The following ADAMTS3 variants were observed in gnomAD, a reference collection of about 807,000 sequenced individuals.
ADAMTS3 encodes the protein ADAM metallopeptidase with thrombospondin type 1 motif 3, also known as A disintegrin and metalloproteinase with thrombospondin motifs 3.
ADAMTS3 carries 73 observed loss-of-function variants against 129.0 expected under a neutral mutation model. That is an observed-to-expected ratio of 0.57 (90% CI 0.47 to 0.69). The LOEUF is 0.69. Among genes scored for constraint, ADAMTS3 ranks in the 30% least tolerant of loss-of-function variants. ADAMTS3 has a pLI of 0.00. For synonymous variants in ADAMTS3, 477 were observed against 510.8 expected (o/e 0.93, Z 0.89); for missense variants, 1,457 against 1,514.5 (o/e 0.96, Z 0.63).
Position 72,354,067 on chromosome 4 carries a change from C to T in ADAMTS3, c.662-14374G>A, listed in dbSNP as rs145674726. Among the ~76,000 whole-genome samples, 690 of 152,090 alleles carry T rather than the reference C, an allele frequency of 4.5e-3. 23 individuals are homozygous for T. The East Asian group carries it at 0.056, about 12-fold the overall frequency. On this transcript the variant is annotated intron_variant, in intron 4 of 21. Coordinates refer to ENST00000286657, the MANE Select transcript of ADAMTS3 (RefSeq NM_014243.3). Reference sequence around the variant, plus strand: ...CCAAAGGCATTGGATGTGGATAAGACGGGATAAGAGTTCACTTATTCACTG... The same window carrying T: ...CCAAAGGCATTGGATGTGGATAAGATGGGATAAGAGTTCACTTATTCACTG...
intron 3 of ADAMTS3, among the ~76,000 whole-genome samples, chr4:72,436,971 G>A (rs1010027598): frequency 9.2e-5 from 14 of 151,850 alleles, no homozygotes; most frequent in Middle Eastern, 3.4e-3. Context: ...AAACCTGCAC[G>A]TTGTGCACAT....
At chr4:72,491,513 A>G (rs1719743657) in intron 3 of ADAMTS3, among the ~76,000 whole-genome samples, 1 of 151,798 alleles carries the variant, frequency 6.6e-6, no homozygotes, top group African/African-American at 2.4e-5. Flanking sequence ...ATGAATGGGT[A>G]TTGAACTTTG....
At chr4:72,315,539 T>C (rs1719370932) in intron 11 of ADAMTS3, among the ~76,000 whole-genome samples, 1 of 152,058 alleles carries the variant, frequency 6.6e-6, no homozygotes, top group African/African-American at 2.4e-5. Context: ...AAGAAAAGAT[T>C]CTCCACTACA....
At chr4:72,556,500 T>C (rs1721771190) in intron 2 of ADAMTS3, among the ~76,000 whole-genome samples, 1 of 151,666 alleles carries the variant, frequency 6.6e-6, no homozygotes, top group Admixed American at 6.6e-5. Context: ...CTCTTATATG[T>C]CACACAAATT....
chr4:72,408,558 T>G (rs927232122), intron 4 of ADAMTS3, among the ~76,000 whole-genome samples: 9 of 151,986 alleles, frequency 5.9e-5, no homozygotes, highest in African/African-American at 9.7e-5. Context: ...TTATAGAAAA[T>G]TATCTTTTAA....
chr4:72,551,559 C>T (rs1362752609), intron 2 of ADAMTS3, among the ~76,000 whole-genome samples: 3 of 152,074 alleles, frequency 2.0e-5, no homozygotes, highest in Non-Finnish European at 4.4e-5. Context: ...CGATTGGCAA[C>T]CCTTTGGATT....
chr4:72,375,321 G>A (rs1721109412), intron 4 of ADAMTS3, among the ~76,000 whole-genome samples: 1 of 152,168 alleles, frequency 6.6e-6, no homozygotes, highest in Non-Finnish European at 1.5e-5. Flanking sequence ...GGAGTTCTGT[G>A]TATCCAATTC....
rs529865064 is a variant in ADAMTS3, at chr4:72,316,895, G to A, written c.1486-924C>T. On this transcript the variant is annotated intron_variant, in intron 10 of 21. Transcript: ENST00000286657. ...CTGAGAAATATGGGTTACAAGTTAG[G>A]GCTATAGTTATGGTTATAAGTAAGA... Among the ~76,000 whole-genome samples, 6 of 152,070 alleles carry A rather than the reference G, an allele frequency of 3.9e-5. No homozygotes were observed. The South Asian group carries it at 1.2e-3, about 32-fold the overall frequency.
chr4:72,510,595 T>C (rs1477002023), intron 3 of ADAMTS3, among the ~76,000 whole-genome samples: 2 of 151,624 alleles, frequency 1.3e-5, no homozygotes, highest in Non-Finnish European at 2.9e-5. Context: ...TATAAAACAC[T>C]GATGAAATAA....
At chr4:72,324,321 T>C (rs978881789) in intron 5 of ADAMTS3, among the ~76,000 whole-genome samples, 7 of 152,238 alleles carry the variant, frequency 4.6e-5, no homozygotes, top group Admixed American at 1.3e-4. Flanking sequence ...GAAGTCTCAA[T>C]TGAATTGTTT....
intron 3 of ADAMTS3, among the ~76,000 whole-genome samples, chr4:72,531,646 C>G (rs1041056909): frequency 9.2e-5 from 14 of 152,146 alleles, no homozygotes; most frequent in Admixed American, 1.3e-4. Flanking sequence ...CTTAGGCTTT[C>G]TCTGTTGCCT....
intron 21 of ADAMTS3, among the ~76,000 whole-genome samples, chr4:72,285,399 T>C (rs1718478054): frequency 6.6e-6 from 1 of 152,196 alleles, no homozygotes; most frequent in East Asian, 1.9e-4. Flanking sequence ...AACCTGTATC[T>C]TAAAATAAGA....
At chr4:72,473,053 A>T (rs1223491679) in intron 3 of ADAMTS3, among the ~76,000 whole-genome samples, 1 of 152,184 alleles carries the variant, frequency 6.6e-6, no homozygotes, top group Non-Finnish European at 1.5e-5. Flanking sequence ...AATTAATATT[A>T]ACAAAACAAA....
chr4:72,423,817 T>C (rs1722504718), intron 3 of ADAMTS3, among the ~76,000 whole-genome samples: 1 of 152,028 alleles, frequency 6.6e-6, no homozygotes, highest in African/African-American at 2.4e-5. Flanking sequence ...AAAAGTACTA[T>C]CTCTCTACTT....
intron 19 of ADAMTS3, among the ~76,000 whole-genome samples, chr4:72,291,382 C>T (rs1718660975): frequency 6.6e-6 from 1 of 150,746 alleles, no homozygotes; most frequent in Admixed American, 6.6e-5. Flanking sequence ...GGTATATCTT[C>T]TAATACTATC....
chr4:72,499,147 T>A (rs1002191679), intron 3 of ADAMTS3, among the ~76,000 whole-genome samples: 4 of 152,152 alleles, frequency 2.6e-5, no homozygotes, highest in African/African-American at 9.7e-5. Flanking sequence ...AGATCTGGAA[T>A]CTGAAAGGTC....
intron 17 of ADAMTS3, among the ~76,000 whole-genome samples, chr4:72,300,986 G>A (rs1263581583): frequency 2.0e-5 from 3 of 152,192 alleles, no homozygotes; most frequent in Admixed American, 6.6e-5. Flanking sequence ...AGCCAGTTAA[G>A]TGGTGTCCAG....
At chr4:72,490,545 T>A (rs2110014329) in intron 3 of ADAMTS3, among the ~76,000 whole-genome samples, 1 of 152,040 alleles carries the variant, frequency 6.6e-6, no homozygotes, top group East Asian at 1.9e-4. Context: ...AAGATAAGGA[T>A]CATATTTCAT....
chr4:72,309,318 C>A (rs1719166913), intron 15 of ADAMTS3, 79 bp downstream of exon 15: 9 of 1,422,238 alleles, frequency 6.3e-6, no homozygotes, highest in Non-Finnish European at 7.8e-6. Flanking sequence ...AGAGAAAATG[C>A]TGCATTTCTA....
Sources: gnomAD v4.1 joint callset for allele counts (sites outside exome capture counted in the v4.1 genomes callset) on GRCh38, gnomAD v4.1.1 for gene constraint, MANE v1.5 for transcripts, NCBI Gene and HGNC (gene_info 2026-07-23, HGNC 2026-07-21) for gene names.